PRKCB: variants seen among roughly 807,000 people sequenced by gnomAD.
The protein encoded by PRKCB is protein kinase C beta type.
A neutral mutation model predicts 81.5 loss-of-function variants in PRKCB; 13 were observed. The observed-to-expected ratio is 0.16, with a 90% confidence interval of 0.10 to 0.25. PRKCB has a LOEUF of 0.25. Among genes scored for constraint, PRKCB ranks in the 10% least tolerant of loss-of-function variants. The pLI is 1.00. For synonymous variants in PRKCB, 335 were observed against 321.4 expected, an observed-to-expected ratio of 1.04 and a Z score of -0.45; for missense variants, 509 against 875.7, an observed-to-expected ratio of 0.58 and a Z score of 5.29.
At chr16:24,105,710 CCTTTTTTATGG>C (rs1436294174) in intron 7 of PRKCB, among the ~76,000 whole-genome samples, 2 of 152,296 alleles carry the variant, frequency 1.3e-5, no homozygotes, top group East Asian at 3.9e-4. Flanking sequence ...ATGAACTCAT[CCTTTTTTATGG>C]CTGCATAGTA....
intron 2 of PRKCB, among the ~76,000 whole-genome samples, chr16:23,862,025 C>CT (rs1223582054): frequency 6.6e-6 from 1 of 152,190 alleles, no homozygotes; most frequent in African/African-American, 2.4e-5. Context: ...GCTCCTCCCC[C>CT]TTTTTTCCTG....
chr16:24,032,369 T>A, intron 4 of PRKCB, 122 bp downstream of exon 4: 1 of 609,950 alleles, frequency 1.6e-6, no homozygotes, highest in Non-Finnish European at 2.8e-6. Context: ...GGGGCTGGTG[T>A]ACCAGTTATC....
intron 2 of PRKCB, among the ~76,000 whole-genome samples, chr16:23,844,330 A>G (rs1009296922): frequency 6.6e-6 from 1 of 152,208 alleles, no homozygotes; most frequent in Non-Finnish European, 1.5e-5. Flanking sequence ...TACATATGGC[A>G]TTTGGAGGTG....
At chr16:24,073,443 C>T (rs530673177) in intron 5 of PRKCB, among the ~76,000 whole-genome samples, 25 of 152,284 alleles carry the variant, frequency 1.6e-4, no homozygotes, top group African/African-American at 4.8e-4. Flanking sequence ...GTGATCCTCC[C>T]GCCTCAGCCC....
At chr16:23,988,671 C>T (rs575333658) in intron 3 of PRKCB, 81 bp downstream of exon 3, 396 of 1,275,162 alleles carry the variant, frequency 3.1e-4, no homozygotes, top group Non-Finnish European at 4.1e-4. Context: ...CATTCTTAGA[C>T]GAGTAAGTGT....
intron 2 of PRKCB, among the ~76,000 whole-genome samples, chr16:23,862,597 A>AT (rs951561847): frequency 6.6e-6 from 1 of 151,914 alleles, no homozygotes; most frequent in Non-Finnish European, 1.5e-5. Flanking sequence ...TCAGGAAAAA[A>AT]TTTTTTTTTC....
intron 6 of PRKCB, 87 bp from the exon 7 acceptor site, chr16:24,094,076 A>G (rs1966409488): frequency 7.1e-7 from 1 of 1,417,586 alleles, no homozygotes. Context: ...AAAACTTTCT[A>G]CCTCCAGGTC....
At chr16:24,067,313 T>A (rs928391002) in intron 5 of PRKCB, among the ~76,000 whole-genome samples, 10 of 152,030 alleles carry the variant, frequency 6.6e-5, no homozygotes, top group Non-Finnish European at 1.0e-4. Flanking sequence ...TTTTTTAAAA[T>A]TTTTTAGACG....
chr16:23,906,496 C>G (rs1199435369), intron 2 of PRKCB, among the ~76,000 whole-genome samples: 1 of 152,090 alleles, frequency 6.6e-6, no homozygotes, highest in African/African-American at 2.4e-5. Flanking sequence ...TTTTTAAACT[C>G]TGTAGACATT....
At chr16:24,113,383 G>A (rs979794339) in intron 8 of PRKCB, among the ~76,000 whole-genome samples, 3 of 136,712 alleles carry the variant, frequency 2.2e-5, no homozygotes, top group African/African-American at 8.8e-5. Flanking sequence ...CTTCCTTCCT[G>A]CCTTCCTTCC....
intron 5 of PRKCB, 23 bp downstream of exon 5, chr16:24,035,570 T>G: frequency 3.2e-5 from 43 of 1,354,514 alleles, no homozygotes; most frequent in Non-Finnish European, 4.2e-5. Context: ...GGGGCTCCAC[T>G]GGCTCCTGAC....
rs547379084 is a variant in PRKCB at position 24,132,039 on chromosome 16, T to C, written c.1065+8058T>C. ...CACTGCCTGTATCCTTAAAAATCTT[T>C]CGTGTGATCTTGACCTCCCTCTACC... On this transcript the variant is annotated intron_variant, in intron 9 of 16. Transcript: ENST00000643927. Among the ~76,000 whole-genome samples, 20 of 152,328 alleles carry C rather than the reference T, an allele frequency of 1.3e-4. No homozygotes were observed. The South Asian group carries it at 3.5e-3, about 27-fold the overall frequency.
chr16:24,181,550 T>TGGGAGGCA (rs1370348984), intron 13 of PRKCB, among the ~76,000 whole-genome samples: 10 of 152,124 alleles, frequency 6.6e-5, no homozygotes, highest in African/African-American at 2.2e-4. Context: ...GTGGATCACT[T>TGGGAGGCA]GAGCCCAGGA....
chr16:24,113,327 T>C (rs904141786), intron 8 of PRKCB, among the ~76,000 whole-genome samples: 10 of 133,684 alleles, frequency 7.5e-5, no homozygotes, highest in Non-Finnish European at 1.5e-4. Context: ...TCTTGCTTTC[T>C]TTCTTGCTTG....
At chr16:24,152,004 T>A (rs1353753708) in intron 9 of PRKCB, 9 of 424,480 alleles carry the variant, frequency 2.1e-5, no homozygotes, top group Non-Finnish European at 4.3e-5. Flanking sequence ...CCCCTCCTTC[T>A]CTCGTTTTGG....
intron 2 of PRKCB, among the ~76,000 whole-genome samples, chr16:23,885,102 A>G (rs1041388265): frequency 2.0e-4 from 31 of 152,236 alleles, no homozygotes; most frequent in Admixed American, 8.5e-4. Flanking sequence ...ATAATAAGTA[A>G]TAATGATACA....
At chr16:24,008,828 A>C (rs947603188) in intron 3 of PRKCB, among the ~76,000 whole-genome samples, 5 of 152,214 alleles carry the variant, frequency 3.3e-5, no homozygotes, top group Non-Finnish European at 7.3e-5. Context: ...CTGAAACTTG[A>C]TGCCCATTGG....
At chr16:23,955,390 C>A (rs1321966230) in intron 2 of PRKCB, among the ~76,000 whole-genome samples, 1 of 152,100 alleles carries the variant, frequency 6.6e-6, no homozygotes, top group Non-Finnish European at 1.5e-5. Flanking sequence ...TGTACCCATG[C>A]CCCTGTGTGC....
chr16:24,159,986 AAAAATAAAAT>A (rs940669456), intron 10 of PRKCB, among the ~76,000 whole-genome samples: 2 of 152,114 alleles, frequency 1.3e-5, no homozygotes, highest in South Asian at 2.1e-4. Context: ...CTTTGTCTCA[AAAAATAAAAT>A]AAAATAAAAT....
Sources: gnomAD v4.1 joint callset for allele counts (sites outside exome capture counted in the v4.1 genomes callset) on GRCh38, gnomAD v4.1.1 for gene constraint, MANE v1.5 for transcripts, NCBI Gene and HGNC (gene_info 2026-07-23, HGNC 2026-07-21) for gene names.